GALNT10: variants seen among roughly 807,000 people sequenced by gnomAD.
GALNT10 encodes GalNAc transferase 10.
Under a neutral mutation model 75.0 loss-of-function variants are expected in GALNT10, and 41 were observed. The observed-to-expected ratio is 0.55, with a 90% CI of 0.43 to 0.71. The LOEUF (loss-of-function observed/expected upper bound fraction) is 0.71, where lower values mean the gene tolerates loss of function less well. Ranked by LOEUF, GALNT10 falls within the 30% of genes least tolerant of loss-of-function variation. GALNT10 has a pLI of 0.00. For missense variants in GALNT10, 727 were observed against 818.5 expected, an observed-to-expected ratio of 0.89 and a Z score of 1.36; for synonymous variants, 302 against 313.0, an observed-to-expected ratio of 0.96 and a Z score of 0.37.
chr5:154,329,287 G>A (rs1754805669), intron 3 of GALNT10: 4 of 377,038 alleles, frequency 1.1e-5, no homozygotes, highest in African/African-American at 2.0e-5. Context: ...GGACAGAGAG[G>A]CCAGAGTGTT....
At chr5:154,257,001 C>T (rs78671057) in intron 1 of GALNT10, among the ~76,000 whole-genome samples, 1 of 152,126 alleles carries the variant, frequency 6.6e-6, no homozygotes, top group African/African-American at 2.4e-5. Flanking sequence ...CCAGGCATTA[C>T]AGGTGGCTCA....
chr5:154,318,726 GT>G (rs1754633716), intron 3 of GALNT10, among the ~76,000 whole-genome samples: 1 of 152,196 alleles, frequency 6.6e-6, no homozygotes, highest in South Asian at 2.1e-4. Flanking sequence ...GCATTCCATA[GT>G]TTGAATTTTT....
rs774662605 is a variant in GALNT10 at position 154,409,520 on chromosome 5, C to A, written c.1165-21C>A. ...TGGCTTCTTGGAAAGACTGACCCCT[C>A]CATTGCTTCTTGCCCCATAGAACCT... On this transcript the variant is annotated intron_variant, in intron 8 of 11. Coordinates refer to ENST00000297107, the MANE Select transcript of GALNT10 (RefSeq NM_198321.4). The surrounding 1 kb of genome is among the most constrained non-coding windows in gnomAD (Gnocchi z 4.5). 4.6e-6 allele frequency: 7 copies of A among 1,526,748 alleles called. No individual in the cohort carries two copies. The highest frequency in any genetic ancestry group is 6.4e-6 in the Non-Finnish European group (7 of 1,100,040). 94.6% of individuals were successfully genotyped at this position (1,526,748 alleles called of 1,614,324 possible). A position where few individuals can be genotyped will look rare whatever the true frequency, so the allele number is the denominator to read the frequency against.
At chr5:154,198,492 G>A (rs139379092) in intron 1 of GALNT10, among the ~76,000 whole-genome samples, 317 of 152,324 alleles carry the variant, frequency 2.1e-3, no homozygotes, top group African/African-American at 7.4e-3. Context: ...TGAGCAATTC[G>A]AAGATAAGTG....
At chr5:154,219,997 C>T (rs1487983641) in intron 1 of GALNT10, 3 of 152,088 alleles carry the variant, frequency 2.0e-5, no homozygotes, top group Non-Finnish European at 4.4e-5. Context: ...TTGTTTTAAC[C>T]TTTGTCCTAA....
chr5:154,403,784 C>G (rs1327208518), intron 7 of GALNT10: 1 of 366,150 alleles, frequency 2.7e-6, no homozygotes, highest in Non-Finnish European at 5.1e-6. Context: ...AGTCACATTT[C>G]TTAGCTTCTC....
intron 1 of GALNT10, among the ~76,000 whole-genome samples, chr5:154,273,009 G>A (rs1001924947): frequency 6.6e-6 from 1 of 152,190 alleles, no homozygotes; most frequent in Non-Finnish European, 1.5e-5. Flanking sequence ...GGGGGCTGCA[G>A]ATGGGGAATG....
At chr5:154,368,578 G>A (rs1755515211) in intron 4 of GALNT10, among the ~76,000 whole-genome samples, 1 of 152,186 alleles carries the variant, frequency 6.6e-6, no homozygotes, top group Admixed American at 6.5e-5. Flanking sequence ...GGAAAACAAA[G>A]GTCCTCTAGC....
chr5:154,211,184 G>A (rs576106617), intron 1 of GALNT10, among the ~76,000 whole-genome samples: 3 of 152,262 alleles, frequency 2.0e-5, no homozygotes, highest in Non-Finnish European at 2.9e-5. Context: ...GGGCAGGAAA[G>A]GGCTTGGTCC....
intron 6 of GALNT10, among the ~76,000 whole-genome samples, chr5:154,382,031 G>A (rs1755742424): frequency 6.6e-6 from 1 of 152,178 alleles, no homozygotes; most frequent in Admixed American, 6.5e-5. Flanking sequence ...GCCATAACTG[G>A]GGAGTCGTAC....
chr5:154,312,375 G>A (rs986194007), intron 3 of GALNT10, among the ~76,000 whole-genome samples: 3 of 152,076 alleles, frequency 2.0e-5, no homozygotes, highest in East Asian at 3.9e-4. Context: ...CCCACTTTAC[G>A]CTCCAATCCT....
At chr5:154,271,529 A>G (rs1753865906) in intron 1 of GALNT10, among the ~76,000 whole-genome samples, 1 of 152,226 alleles carries the variant, frequency 6.6e-6, no homozygotes, top group African/African-American at 2.4e-5. Context: ...ATTTTGCTGC[A>G]TTCAAGCTTT....
intron 1 of GALNT10, among the ~76,000 whole-genome samples, chr5:154,277,537 A>G (rs933075170): frequency 6.6e-6 from 1 of 152,080 alleles, no homozygotes; most frequent in Admixed American, 6.6e-5. Context: ...CCACTTTCAC[A>G]ATCTACTATA....
chr5:154,342,488 G>T (rs1755048864), intron 4 of GALNT10, among the ~76,000 whole-genome samples: 1 of 152,124 alleles, frequency 6.6e-6, no homozygotes, highest in African/African-American at 2.4e-5. Flanking sequence ...GTTCTAGGGT[G>T]GGCCTCAGGA....
intron 7 of GALNT10, 191 bp downstream of exon 7, chr5:154,386,621 G>GCCTGGC: frequency 2.6e-6 from 1 of 387,272 alleles, no homozygotes; most frequent in Non-Finnish European, 5.0e-6. Context: ...GTGTGGGAGG[G>GCCTGGC]AAGGGGAGTA....
At chr5:154,262,103 A>C (rs796707970) in intron 1 of GALNT10, among the ~76,000 whole-genome samples, 6 of 152,330 alleles carry the variant, frequency 3.9e-5, no homozygotes, top group African/African-American at 1.4e-4. Flanking sequence ...TCCTTTGACA[A>C]GGAATACATT....
intron 1 of GALNT10, among the ~76,000 whole-genome samples, chr5:154,283,316 G>T (rs906964078): frequency 2.7e-5 from 4 of 150,322 alleles, no homozygotes; most frequent in Non-Finnish European, 5.9e-5. Context: ...GTGTGGTGGT[G>T]CATGTACCTG....
intron 3 of GALNT10, among the ~76,000 whole-genome samples, chr5:154,317,346 A>G (rs149738338): frequency 4.9e-4 from 75 of 152,268 alleles, no homozygotes; most frequent in African/African-American, 1.8e-3. Flanking sequence ...CTTCTCTTGT[A>G]TTTTGACTTT....
At chr5:154,256,008 T>C (rs867289916) in intron 1 of GALNT10, among the ~76,000 whole-genome samples, 5 of 152,166 alleles carry the variant, frequency 3.3e-5, no homozygotes, top group African/African-American at 4.8e-5. Flanking sequence ...TAAGTAACCA[T>C]ATAACTGCCT....
Sources: gnomAD v4.1 joint callset for allele counts (sites outside exome capture counted in the v4.1 genomes callset) on GRCh38, gnomAD v4.1.1 for gene constraint, Gnocchi (gnomAD v3.1) non-coding constraint, MANE v1.5 for transcripts, NCBI Gene and HGNC (gene_info 2026-07-23, HGNC 2026-07-21) for gene names.